PCCA: variants seen among roughly 807,000 people sequenced by gnomAD.
The protein encoded by PCCA is propionyl-CoA carboxylase alpha chain, mitochondrial.
A neutral mutation model predicts 101.3 loss-of-function variants in PCCA; 74 were observed. The observed-to-expected ratio is 0.73, with a 90% CI of 0.61 to 0.89. The LOEUF (loss-of-function observed/expected upper bound fraction) is 0.89, where lower values mean the gene tolerates loss of function less well. Ranked by LOEUF, PCCA falls within the 40% of genes least tolerant of loss-of-function variation. The probability of loss-of-function intolerance (pLI) is 0.00; values close to 1 mark genes in which losing one functional copy is unlikely to be tolerated. For missense variants in PCCA, 891 were observed against 907.0 expected, an observed-to-expected ratio of 0.98 and a Z score of 0.23; for synonymous variants, 294 against 313.6, an observed-to-expected ratio of 0.94 and a Z score of 0.66.
chr13:100,271,503 T>C (rs1242373910), intron 11 of PCCA, among the ~76,000 whole-genome samples: 1 of 151,988 alleles, frequency 6.6e-6, no homozygotes, highest in Non-Finnish European at 1.5e-5. Flanking sequence ...TTGCATGCAG[T>C]TGAACCAAGA....
At chr13:100,391,596 A>T (rs911190933) in intron 19 of PCCA, among the ~76,000 whole-genome samples, 15 of 152,144 alleles carry the variant, frequency 9.9e-5, no homozygotes, top group African/African-American at 3.6e-4. Flanking sequence ...GGCTAGGCGG[A>T]GAGGTGCCAG....
chr13:100,135,182 A>G lies in PCCA; in HGVS notation c.301-19797A>G, dbSNP rs1430351279. On this transcript the variant is annotated intron_variant, in intron 4 of 23. Coordinates refer to ENST00000376285, the MANE Select transcript of PCCA (RefSeq NM_000282.4). The stretch of plus-strand genomic sequence containing the variant: ...GCTGAGGTGGGAGGATCATTGAGCC[A>G]GGAGTTTGAGACCAGCCTGGGCAAC... Among the ~76,000 whole-genome samples, 6 of 151,452 alleles carry G rather than the reference A, an allele frequency of 4.0e-5. No individual in the cohort carries two copies. The East Asian group carries it at 1.2e-3, about 30-fold the overall frequency.
intron 6 of PCCA, among the ~76,000 whole-genome samples, chr13:100,194,472 C>T (rs1594659832): frequency 6.6e-6 from 1 of 152,146 alleles, no homozygotes; most frequent in South Asian, 2.1e-4. Flanking sequence ...GGCTGGAGTG[C>T]AGTGGTGCAA....
At chr13:100,305,663 T>G in intron 14 of PCCA, 1 of 266,818 alleles carries the variant, frequency 3.7e-6, no homozygotes, top group East Asian at 1.2e-4. Flanking sequence ...ACCCGTTTAC[T>G]AGTTGCCATT....
intron 12 of PCCA, among the ~76,000 whole-genome samples, chr13:100,293,436 A>G (rs2065285858): frequency 6.6e-6 from 1 of 152,202 alleles, no homozygotes; most frequent in African/African-American, 2.4e-5. Context: ...CTGGTTTATA[A>G]CAATTAACTA....
At chr13:100,518,505 C>T (rs976272504) in intron 22 of PCCA, among the ~76,000 whole-genome samples, 1 of 152,150 alleles carries the variant, frequency 6.6e-6, no homozygotes, top group African/African-American at 2.4e-5. Context: ...GTTCACACAG[C>T]AAAAGTTCCT....
At chr13:100,333,521 T>C (rs2069960058) in intron 17 of PCCA, among the ~76,000 whole-genome samples, 2 of 152,236 alleles carry the variant, frequency 1.3e-5, no homozygotes, top group Admixed American at 6.5e-5. Context: ...AATGATTGCT[T>C]CTAAAATTAA....
intron 18 of PCCA, among the ~76,000 whole-genome samples, chr13:100,363,717 G>C (rs112642691): frequency 0.014 from 2,054 of 151,990 alleles, 47 homozygotes; most frequent in African/African-American, 0.045. Flanking sequence ...CTTCTAAAGA[G>C]GTGATGGCAC....
chr13:100,393,450 G>A (rs1009669866), intron 19 of PCCA, among the ~76,000 whole-genome samples: 4 of 125,078 alleles, frequency 3.2e-5, no homozygotes, highest in East Asian at 2.8e-4. Flanking sequence ...ATGGAGTCAC[G>A]CTCTGTCACC....
intron 21 of PCCA, among the ~76,000 whole-genome samples, chr13:100,472,448 G>A (rs572573488): frequency 6.6e-6 from 1 of 152,244 alleles, no homozygotes; most frequent in Non-Finnish European, 1.5e-5. Context: ...TTTCATTTAT[G>A]GAAGTGACTG....
In PCCA at chr13:100,401,564, T is replaced by A. The variant is rs1051001099; in HGVS notation, c.1747-24069T>A. ...GCCAACTGTTTTTTTGTGTTTTTTT[T>A]ATTTTTTTTTAATTGTATCTTGGGA... On this transcript the variant is annotated intron_variant, in intron 19 of 23. Coordinates refer to ENST00000376285, the MANE Select transcript of PCCA (RefSeq NM_000282.4). Among the ~76,000 whole-genome samples the A allele has an allele frequency of 1.3e-4, 20 of 151,970 alleles. No homozygotes were observed. In the East Asian group the frequency reaches 1.5e-3, roughly 12 times the overall value.
At chr13:100,176,326 A>T (rs940749852) in intron 6 of PCCA, among the ~76,000 whole-genome samples, 1 of 152,222 alleles carries the variant, frequency 6.6e-6, no homozygotes, top group African/African-American at 2.4e-5. Flanking sequence ...TTGGGATTTG[A>T]TTACAAGTTA....
chr13:100,371,187 T>G (rs1210537399), intron 19 of PCCA, among the ~76,000 whole-genome samples: 1 of 152,196 alleles, frequency 6.6e-6, no homozygotes, highest in East Asian at 1.9e-4. Context: ...CCTTTCTGTA[T>G]GTGTTGTTAA....
At chr13:100,321,591 C>CTGTGTGTGTG (rs35931512) in intron 16 of PCCA, among the ~76,000 whole-genome samples, 4 of 131,918 alleles carry the variant, frequency 3.0e-5, no homozygotes, top group East Asian at 2.3e-4. Flanking sequence ...TATAGAAGAT[C>CTGTGTGTGTG]TGTGTGTGTG....
chr13:100,214,954 C>T (rs1417684537), intron 7 of PCCA, among the ~76,000 whole-genome samples: 2 of 152,144 alleles, frequency 1.3e-5, no homozygotes, highest in African/African-American at 2.4e-5. Flanking sequence ...TGAATGACTA[C>T]TCATATAAAT....
intron 6 of PCCA, among the ~76,000 whole-genome samples, chr13:100,206,787 G>A (rs1009362346): frequency 6.6e-6 from 1 of 152,150 alleles, no homozygotes; most frequent in Admixed American, 6.5e-5. Context: ...AGACCTAGGA[G>A]GGACTTTCTG....
intron 17 of PCCA, among the ~76,000 whole-genome samples, chr13:100,331,730 A>G (rs751142730): frequency 2.9e-4 from 44 of 152,146 alleles, no homozygotes; most frequent in Admixed American, 2.0e-4. Context: ...TTAAAAATAC[A>G]AAATAAAATA....
At chr13:100,265,746 T>C (rs2062892829) in intron 10 of PCCA, among the ~76,000 whole-genome samples, 1 of 152,130 alleles carries the variant, frequency 6.6e-6, no homozygotes, top group African/African-American at 2.4e-5. Context: ...CCCTCCTTCT[T>C]TCTGACAGAA....
intron 8 of PCCA, among the ~76,000 whole-genome samples, chr13:100,255,661 T>C (rs1484884709): frequency 6.6e-6 from 1 of 152,208 alleles, no homozygotes; most frequent in Non-Finnish European, 1.5e-5. Context: ...TAGATTGCGC[T>C]TTTTCACTCC....
Sources: gnomAD v4.1 joint callset for allele counts (sites outside exome capture counted in the v4.1 genomes callset) on GRCh38, gnomAD v4.1.1 for gene constraint, MANE v1.5 for transcripts, NCBI Gene and HGNC (gene_info 2026-07-23, HGNC 2026-07-21) for gene names.